The following XIRP2 variants were observed in gnomAD, a reference collection of about 807,000 sequenced individuals.
The protein encoded by XIRP2 is xin actin-binding repeat-containing protein 2.
In XIRP2, 236 loss-of-function variants were observed where a neutral mutation model predicts 277.0. The ratio of observed to expected loss-of-function variants is 0.85; its 90% CI spans 0.77 to 0.95. The LOEUF (loss-of-function observed/expected upper bound fraction) is 0.95, where lower values mean the gene tolerates loss of function less well. Among genes scored for constraint, XIRP2 ranks in the 40% least tolerant of loss-of-function variants. The pLI, the probability that XIRP2 is intolerant of heterozygous loss-of-function variation, is 0.00. For synonymous variants in XIRP2, 1,490 were observed against 1,416.5 expected, an observed-to-expected ratio of 1.05 and a Z score of -1.17; for missense variants, 4,640 against 4,157.5, an observed-to-expected ratio of 1.12 and a Z score of -3.19.
intron 2 of XIRP2, among the ~76,000 whole-genome samples, chr2:167,083,120 A>G (rs186913051): frequency 0.027 from 4,107 of 152,242 alleles, 63 homozygotes; most frequent in East Asian, 0.051. Context: ...TTGATTTTGT[A>G]TAAGGTGTAA....
chr2:167,155,189 C>T (rs928375092), intron 3 of XIRP2, among the ~76,000 whole-genome samples: 23 of 150,680 alleles, frequency 1.5e-4, no homozygotes, highest in Non-Finnish European at 1.3e-4. Flanking sequence ...TGGTACCATT[C>T]CTTCTGAAAC....
At chr2:166,899,175 G>A (rs1339981042) in intron 1 of XIRP2, among the ~76,000 whole-genome samples, 1 of 152,040 alleles carries the variant, frequency 6.6e-6, no homozygotes, top group Admixed American at 6.6e-5. Flanking sequence ...TCTCAAGTAT[G>A]ATGGATTTTT....
At chr2:167,228,448 A>G (rs1339964479) in intron 5 of XIRP2, among the ~76,000 whole-genome samples, 2 of 152,116 alleles carry the variant, frequency 1.3e-5, no homozygotes, top group Non-Finnish European at 2.9e-5. Flanking sequence ...CCAATCCACA[A>G]TGTGAAGACA....
intron 2 of XIRP2, among the ~76,000 whole-genome samples, chr2:166,912,935 A>G (rs1351194929): frequency 2.0e-5 from 3 of 152,164 alleles, no homozygotes; most frequent in African/African-American, 4.8e-5. Flanking sequence ...GCTGAACAGC[A>G]AATGTTGCTG....
Position 167,243,865 on chromosome 2 carries a change from G to A in XIRP2, c.2473G>A (p.Glu825Lys), listed in dbSNP as rs756906853. The stretch of plus-strand genomic sequence containing the variant: ...TTTGGAGAAAATCAAAGAGTCAGAA[G>A]AGGTCATCATTGAAAAGGAAAAAAT... ...QPLEKIKESEEVIIEKEKIIG... is the reference protein window; with the variant it reads ...QPLEKIKESEKVIIEKEKIIG... Residue 825 changes from glutamate to lysine, a missense_variant, in exon 9 of 11, where the codon GAG (glutamate) becomes AAG (lysine). Coordinates refer to ENST00000409195, the MANE Select transcript of XIRP2 (RefSeq NM_152381.6). 5 of 1,613,890 alleles carry A rather than the reference G, an allele frequency of 3.1e-6. No individual in the cohort carries two copies. The highest frequency in any genetic ancestry group is 4.2e-6 in the Non-Finnish European group (5 of 1,179,932).
rs1402822956 is a variant in XIRP2 at position 167,249,383 on chromosome 2, G to A, written c.7991G>A (p.Arg2664Lys). 3 of 1,613,674 alleles carry A rather than the reference G, an allele frequency of 1.9e-6. No individual in the cohort carries two copies. The highest frequency in any genetic ancestry group is 2.2e-5 in the South Asian group (2 of 91,076). Residue 2664 changes from arginine to lysine, a missense_variant, in exon 9 of 11, where the codon AGG becomes AAG. Coordinates refer to ENST00000409195, the MANE Select transcript of XIRP2 (RefSeq NM_152381.6). ...KMKKEVLQSS[R>K]DIMQSKSACE... ...AAAAAGGAAGTTTTACAAAGCTCAA[G>A]GGACATTATGCAATCCAAATCAGCT...
chr2:167,145,871 C>A (rs1186422460), intron 3 of XIRP2, among the ~76,000 whole-genome samples: 8 of 152,084 alleles, frequency 5.3e-5, no homozygotes, highest in African/African-American at 9.7e-5. Flanking sequence ...CAATCAGTAA[C>A]GGTGGACCAT....
At chr2:167,226,136 T>G (rs1336735710) in intron 5 of XIRP2, among the ~76,000 whole-genome samples, 2 of 152,210 alleles carry the variant, frequency 1.3e-5, no homozygotes, top group Non-Finnish European at 2.9e-5. Context: ...CTTTCAATTC[T>G]GCAAGAAGTG....
chr2:167,025,473 T>C (rs1245139937), intron 2 of XIRP2, among the ~76,000 whole-genome samples: 5 of 152,124 alleles, frequency 3.3e-5, no homozygotes, highest in Admixed American at 1.3e-4. Flanking sequence ...GCTCTGATTT[T>C]AGTTATTTCT....
chr2:167,057,501 C>T (rs1689066862), intron 2 of XIRP2, among the ~76,000 whole-genome samples: 1 of 152,148 alleles, frequency 6.6e-6, no homozygotes, highest in African/African-American at 2.4e-5. Flanking sequence ...ACACATGCAC[C>T]TTAACACAGG....
At position 167,249,856 on chromosome 2, in the gene XIRP2, A is replaced by C. The variant is rs779345255; in HGVS notation, c.8464A>C (p.Asn2822His). 1 of 1,613,630 alleles carries C rather than the reference A, an allele frequency of 6.2e-7. No individual in the cohort carries two copies. The highest frequency in any genetic ancestry group is 1.7e-5 in the Admixed American group (1 of 59,970). ...RGKLPGSEEK[N>H]QGPSMIGRKE... ...GAAACTTCCAGGAAGTGAAGAAAAA[A>C]ATCAGGGACCATCAATGATTGGTCG... Residue 2822 changes from asparagine to histidine, a missense_variant, in exon 9 of 11, where the codon AAT (asparagine) becomes CAT (histidine). Transcript: ENST00000409195.
intron 2 of XIRP2, among the ~76,000 whole-genome samples, chr2:166,942,313 CAA>C (rs920200750): frequency 1.1e-4 from 16 of 152,196 alleles, no homozygotes; most frequent in African/African-American, 3.1e-4. Context: ...TGGAGTCAAG[CAA>C]AGACATCGTA....
Position 167,256,736 on chromosome 2 carries a change from T to C in XIRP2, c.*40-1121T>C, listed in dbSNP as rs1338493370. On this transcript the variant is annotated intron_variant, in intron 10 of 10. Coordinates refer to ENST00000409195, the MANE Select transcript of XIRP2 (RefSeq NM_152381.6). Reference sequence around the variant, plus strand: ...TTCCCAAACCTTAGAAGGATAAAAATCAGGATGGTTTTTCTAACTTCACAG... The same window carrying C: ...TTCCCAAACCTTAGAAGGATAAAAACCAGGATGGTTTTTCTAACTTCACAG... Among the ~76,000 whole-genome samples the C allele has an allele frequency of 2.0e-5, 3 of 151,954 alleles. No homozygotes were observed. In the East Asian group the frequency reaches 5.8e-4, roughly 29 times the overall value.
intron 5 of XIRP2, among the ~76,000 whole-genome samples, chr2:167,220,425 A>T (rs955659852): frequency 1.3e-5 from 2 of 152,234 alleles, no homozygotes; most frequent in Non-Finnish European, 2.9e-5. Flanking sequence ...TTTGTTTAGA[A>T]GAATAAATGA....
chr2:167,020,631 G>C (rs1252702587), intron 2 of XIRP2, among the ~76,000 whole-genome samples: 1 of 151,902 alleles, frequency 6.6e-6, no homozygotes, highest in African/African-American at 2.4e-5. Context: ...CTTCAGGATA[G>C]GGATCAAGTA....
chr2:167,244,344 GACA>G lies in XIRP2; in HGVS notation c.2956_2958del (p.Thr986del). The G allele has an allele frequency of 6.2e-7, 1 of 1,613,690 alleles. No individual in the cohort carries two copies. The highest frequency in any genetic ancestry group is 1.1e-5 in the South Asian group (1 of 91,028). The stretch of plus-strand genomic sequence containing the variant: ...TAGAGTTAAATAAATCTCTCTTCGA[GACA>G]ACACCACTGTATGCCATTCAAGATC... On this transcript the variant is annotated inframe_deletion, in exon 9 of 11. Transcript: ENST00000409195.
intron 2 of XIRP2, among the ~76,000 whole-genome samples, chr2:166,995,443 T>A (rs894857299): frequency 6.6e-6 from 1 of 152,226 alleles, no homozygotes; most frequent in Non-Finnish European, 1.5e-5. Flanking sequence ...CAGTTAGGGC[T>A]GATGATCAGT....
At chr2:167,070,456 C>T (rs1689409444) in intron 2 of XIRP2, among the ~76,000 whole-genome samples, 1 of 151,968 alleles carries the variant, frequency 6.6e-6, no homozygotes, top group Admixed American at 6.6e-5. Context: ...CACATGGAAC[C>T]AGATAAACAG....
At chr2:167,242,007 A>AC in intron 8 of XIRP2, 97 bp downstream of exon 8, 1 of 1,421,064 alleles carries the variant, frequency 7.0e-7, no homozygotes, top group East Asian at 2.5e-5. Context: ...TGGCTTTTCA[A>AC]CAAAAAAAAA....
Sources: gnomAD v4.1 joint callset for allele counts (sites outside exome capture counted in the v4.1 genomes callset) on GRCh38, gnomAD v4.1.1 for gene constraint, MANE v1.5 for transcripts, NCBI Gene and HGNC (gene_info 2026-07-23, HGNC 2026-07-21) for gene names.